ATP10A: variants seen among roughly 807,000 people sequenced by gnomAD.
ATP10A encodes phospholipid-transporting ATPase VA.
A neutral mutation model predicts 147.8 loss-of-function variants in ATP10A; 111 were observed. The observed-to-expected ratio is 0.75, with a 90% confidence interval of 0.64 to 0.88. The LOEUF is 0.88. Among genes scored for constraint, ATP10A ranks in the 40% least tolerant of loss-of-function variants. The pLI is 0.00. For synonymous variants in ATP10A, 875 were observed against 841.6 expected (o/e 1.04, Z -0.69); for missense variants, 1,927 against 1,959.0 (o/e 0.98, Z 0.31).
At chr15:25,680,967 A>G in intron 18 of ATP10A, 27 bp downstream of exon 18, 1 of 1,613,940 alleles carries the variant, frequency 6.2e-7, no homozygotes, top group Middle Eastern at 1.6e-4. Context: ...AGCTGGTAAG[A>G]AAAACTGCAC....
At chr15:25,701,869 T>C (rs79497018) in intron 13 of ATP10A, 47 bp downstream of exon 13, 1 of 1,518,120 alleles carries the variant, frequency 6.6e-7, no homozygotes, top group South Asian at 1.3e-5. Flanking sequence ...ACGATAAACA[T>C]GGACCACCCC....
At chr15:25,764,169 C>T (rs1389398639) in intron 2 of ATP10A, among the ~76,000 whole-genome samples, 1 of 152,078 alleles carries the variant, frequency 6.6e-6, no homozygotes, top group Non-Finnish European at 1.5e-5. Flanking sequence ...CTTCAAGGCA[C>T]CGAGTGAGGC....
chr15:25,780,676 C>T (rs969322145), intron 2 of ATP10A, among the ~76,000 whole-genome samples: 2 of 152,216 alleles, frequency 1.3e-5, no homozygotes, highest in Non-Finnish European at 2.9e-5. Context: ...ACTCCTGCTG[C>T]GTTGCCATTT....
chr15:25,716,498 C>G (rs1901815157), intron 9 of ATP10A, among the ~76,000 whole-genome samples: 1 of 152,184 alleles, frequency 6.6e-6, no homozygotes, highest in African/African-American at 2.4e-5. Context: ...GCTGCCCCCT[C>G]CCACTTGGCC....
At chr15:25,765,048 T>G (rs761646213) in intron 2 of ATP10A, among the ~76,000 whole-genome samples, 1 of 152,180 alleles carries the variant, frequency 6.6e-6, no homozygotes, top group Non-Finnish European at 1.5e-5. Context: ...AAGACTTGCT[T>G]CTAGACGATT....
At position 25,727,160 on chromosome 15, in the gene ATP10A, C is replaced by T; in HGVS notation, c.847G>A (p.Gly283Arg). The change falls in exon 4 of 21, where the codon GGA becomes AGA. Residue 283 changes from glycine to arginine, a missense_variant and splice_region_variant. By Grantham distance (125) the Gly-to-Arg change is moderately radical. Transcript: ENST00000555815. The part of the protein sequence containing the change: ...DAVVGIVIYA[G>R]HETKALLNNS... Reference sequence around the variant, plus strand: ...GGTGGTGCCAGGTGCCCGAGCCTACCTGCGTAGATGACAATGCCGACGACT... The same window carrying T: ...GGTGGTGCCAGGTGCCCGAGCCTACTTGCGTAGATGACAATGCCGACGACT... The T allele has an allele frequency of 6.2e-7, 1 of 1,613,780 alleles. No individual in the cohort carries two copies.
Position 25,737,914 on chromosome 15 carries a change from C to T in ATP10A, c.655-1773G>A, listed in dbSNP as rs547636418. On this transcript the variant is annotated intron_variant, in intron 2 of 20. Transcript: ENST00000555815. ...CCAAAAAAAGAGGCCTCAAAAGAAA[C>T]CATCCTGCTGACCCCTTACTCCCGA... Among the ~76,000 whole-genome samples the T allele has an allele frequency of 1.7e-4, 26 of 152,246 alleles. No homozygotes were observed. The East Asian group carries it at 3.7e-3, about 22-fold the overall frequency.
chr15:25,721,785 A>G lies in ATP10A; in HGVS notation c.1235T>C (p.Leu412Pro). 6.2e-7 allele frequency: 1 copy of G among 1,614,194 alleles called. No homozygotes were observed. Among genetic ancestry groups the G allele is most frequent in the Non-Finnish European group, 8.5e-7 (1 of 1,180,038 alleles). The change falls in exon 7 of 21, where the codon CTG (leucine) becomes CCG (proline). Residue 412 changes from leucine (L) to proline (P), a missense_variant. Transcript: ENST00000555815. ...CTGTCCTAAGTCTTCCGTGATGTTC[A>G]GAGCTCGGCACTGCAGCTGCGAGTC... ...ETDSQLQCRA[L>P]NITEDLGQIQ...
At position 25,844,142 on chromosome 15, in the gene ATP10A, G is replaced by A. The variant is rs573545568; in HGVS notation, c.449+18506C>T. On this transcript the variant is annotated intron_variant, in intron 1 of 20. Coordinates refer to ENST00000555815, the MANE Select transcript of ATP10A (RefSeq NM_024490.4). Reference sequence around the variant, plus strand: ...GCACACGGTATTAAAACATACCTCTGTCATACACTTTGCTCGCATATTTGT... The same window carrying A: ...GCACACGGTATTAAAACATACCTCTATCATACACTTTGCTCGCATATTTGT... Among the ~76,000 whole-genome samples, 8 of 152,292 alleles carry A rather than the reference G, an allele frequency of 5.3e-5. No individual in the cohort carries two copies. The Middle Eastern group carries it at 0.02, about 389-fold the overall frequency.
chr15:25,758,966 A>G (rs1410448590), intron 2 of ATP10A, among the ~76,000 whole-genome samples: 1 of 152,082 alleles, frequency 6.6e-6, no homozygotes, highest in Non-Finnish European at 1.5e-5. Flanking sequence ...CCGCCAAAGC[A>G]CTTACCCTGT....
Position 25,718,172 on chromosome 15 carries a change from G to A in ATP10A, c.1581+10C>T. On this transcript the variant is annotated intron_variant, in intron 8 of 20. Coordinates refer to ENST00000555815, the MANE Select transcript of ATP10A (RefSeq NM_024490.4). Reference sequence around the variant, plus strand: ...TGGCAGCACCCTAGCAGGAGGCCCTGTACACTCACCATGGGGCTGCTGAAG... The same window carrying A: ...TGGCAGCACCCTAGCAGGAGGCCCTATACACTCACCATGGGGCTGCTGAAG... The A allele has an allele frequency of 6.2e-7, 1 of 1,611,834 alleles. No homozygotes were observed. The highest frequency in any genetic ancestry group is 8.5e-7 in the Non-Finnish European group (1 of 1,179,090).
intron 2 of ATP10A, among the ~76,000 whole-genome samples, chr15:25,762,338 A>G (rs747104007): frequency 2.0e-5 from 3 of 152,180 alleles, no homozygotes; most frequent in Non-Finnish European, 4.4e-5. Flanking sequence ...ACGCAGTGGC[A>G]CAATCATGGC....
chr15:25,714,609 A>G (rs994928970), intron 9 of ATP10A, among the ~76,000 whole-genome samples: 77 of 152,204 alleles, frequency 5.1e-4, no homozygotes, highest in African/African-American at 1.6e-3. Flanking sequence ...CCGAGGGCCC[A>G]TCAGTGAGGC....
At chr15:25,690,898 A>G (rs756328251) in intron 15 of ATP10A, among the ~76,000 whole-genome samples, 2 of 152,190 alleles carry the variant, frequency 1.3e-5, no homozygotes, top group South Asian at 4.1e-4. Flanking sequence ...GTCAAGGACC[A>G]GCCGTGACGG....
rs551840933 is a variant in ATP10A at position 25,726,779 on chromosome 15, C to T, written c.847+381G>A. 1.1e-3 allele frequency among the ~76,000 whole-genome samples: 167 copies of T among 149,388 alleles called. 2 individuals are homozygous for T. The highest frequency in any genetic ancestry group is 2.1e-3 in the East Asian group (10 of 4,686). On this transcript the variant is annotated intron_variant, in intron 4 of 20. Transcript: ENST00000555815. Reference sequence around the variant, plus strand: ...AGAAAACGGTGAGGGAGGCCGGGCACGGTGACTCATGCCTGTAATCCCAGC... The same window carrying T: ...AGAAAACGGTGAGGGAGGCCGGGCATGGTGACTCATGCCTGTAATCCCAGC...
intron 2 of ATP10A, among the ~76,000 whole-genome samples, chr15:25,770,488 G>C (rs1889279631): frequency 6.6e-6 from 1 of 152,208 alleles, no homozygotes; most frequent in African/African-American, 2.4e-5. Context: ...CCTTCTCAGA[G>C]CTGCCAAGAG....
At chr15:25,680,089 G>T in intron 20 of ATP10A, 32 bp downstream of exon 20, 1 of 1,606,444 alleles carries the variant, frequency 6.2e-7, no homozygotes, top group Non-Finnish European at 8.5e-7. Context: ...CTCACTCGGG[G>T]CTCAGAGGCA....
intron 1 of ATP10A, among the ~76,000 whole-genome samples, chr15:25,840,517 C>A (rs1003237464): frequency 6.6e-6 from 1 of 152,040 alleles, no homozygotes; most frequent in Non-Finnish European, 1.5e-5. Flanking sequence ...AGTATTCCAC[C>A]GTATGGAGGG....
intron 1 of ATP10A, among the ~76,000 whole-genome samples, chr15:25,802,843 C>T (rs1346496125): frequency 6.6e-6 from 1 of 151,654 alleles, no homozygotes; most frequent in Non-Finnish European, 1.5e-5. Context: ...CTCCTGACTT[C>T]CCCTTTGCCC....
Sources: gnomAD v4.1 joint callset for allele counts (sites outside exome capture counted in the v4.1 genomes callset) on GRCh38, gnomAD v4.1.1 for gene constraint, MANE v1.5 for transcripts, NCBI Gene and HGNC (gene_info 2026-07-23, HGNC 2026-07-21) for gene names.